TSC2: variants seen among roughly 807,000 people sequenced by gnomAD.
TSC2 encodes the protein TSC complex subunit 2.
A neutral mutation model predicts 202.2 loss-of-function variants in TSC2; 29 were observed. The observed-to-expected ratio is 0.14, with a 90% CI of 0.11 to 0.20. The LOEUF (loss-of-function observed/expected upper bound fraction) is 0.20, where lower values mean the gene tolerates loss of function less well. Ranked by LOEUF, TSC2 falls within the 10% of genes least tolerant of loss-of-function variation. The pLI, the probability that TSC2 is intolerant of heterozygous loss-of-function variation, is 1.00. For missense variants in TSC2, 2,429 were observed against 2,420.0 expected (o/e 1.00, Z -0.08); for synonymous variants, 1,349 against 1,044.0 (o/e 1.29, Z -5.63).
At chr16:2,068,266 C>G (rs1018171638) in intron 16 of TSC2, among the ~76,000 whole-genome samples, 1 of 152,162 alleles carries the variant, frequency 6.6e-6, no homozygotes, top group Non-Finnish European at 1.5e-5. Flanking sequence ...TCTCAATCTC[C>G]TGACCTCAAG....
In TSC2 at chr16:2,054,451, C is replaced by A. The variant is rs975536162; in HGVS notation, c.481+11C>A. 2 of 1,613,956 alleles carry A rather than the reference C, an allele frequency of 1.2e-6. No individual in the cohort carries two copies. The highest frequency in any genetic ancestry group is 2.7e-5 in the African/African-American group (2 of 74,922). ...TGGAGGAAGAGCTGGGTGGGTGCCACCTTGGGTTGGAGGTTTCTCTGGCCT... is the reference window on the plus strand; with the variant it reads ...TGGAGGAAGAGCTGGGTGGGTGCCAACTTGGGTTGGAGGTTTCTCTGGCCT... On this transcript the variant is annotated intron_variant, in intron 5 of 41. Coordinates refer to ENST00000219476, the MANE Select transcript of TSC2 (RefSeq NM_000548.5).
rs147447189 is a variant in TSC2 at position 2,060,167 on chromosome 16, A to G, written c.976-503A>G. ...GCTTCAGTTTCCGCAGTGCCCCGTG[A>G]TGACAGCGCTTTTTGTGTCCGTCCT... is the stretch of plus-strand genomic sequence containing the variant. On this transcript the variant is annotated intron_variant, in intron 10 of 41. Transcript: ENST00000219476. 1.3e-3 allele frequency among the ~76,000 whole-genome samples: 193 copies of G among 152,210 alleles called. 1 individual carries two copies. The Middle Eastern group carries it at 0.014, about 11-fold the overall frequency.
intron 5 of TSC2, chr16:2,054,679 T>C (rs1447282474): frequency 8.4e-6 from 5 of 596,362 alleles, no homozygotes; most frequent in African/African-American, 1.9e-5. Context: ...CTCTGGGGCT[T>C]GGGGCCTCCG....
intron 22 of TSC2, chr16:2,074,757 C>T (rs1001563273): frequency 2.9e-5 from 11 of 374,300 alleles, no homozygotes; most frequent in African/African-American, 6.2e-5. Context: ...CCTGTCCCTT[C>T]CCCTCACCGC....
At chr16:2,054,169 G>A in intron 4 of TSC2, 127 bp from the exon 5 acceptor site, 1 of 1,458,580 alleles carries the variant, frequency 6.9e-7, no homozygotes, top group Non-Finnish European at 9.5e-7. Context: ...GTCTCTTGCA[G>A]GGCGCCTCTG....
chr16:2,054,478 G>C, intron 5 of TSC2, 38 bp downstream of exon 5: 1 of 1,613,476 alleles, frequency 6.2e-7, no homozygotes, highest in African/African-American at 1.3e-5. Flanking sequence ...CTCTGGCCTT[G>C]ACGATCAAGT....
chr16:2,074,501 C>T (rs2088974337), intron 22 of TSC2, 112 bp downstream of exon 22: 1 of 1,343,228 alleles, frequency 7.4e-7, no homozygotes, highest in South Asian at 1.2e-5. Context: ...GGTGTCTCGC[C>T]TTCTGCTGCC....
chr16:2,053,635 A>G, intron 4 of TSC2, 183 bp downstream of exon 4: 1 of 700,702 alleles, frequency 1.4e-6, no homozygotes, highest in South Asian at 1.5e-5. Flanking sequence ...GTGTGACCGT[A>G]GGCACTGCCT....
chr16:2,062,114 G>A (rs2086714560), intron 12 of TSC2, 106 bp downstream of exon 12: 21 of 1,524,150 alleles, frequency 1.4e-5, no homozygotes, highest in South Asian at 5.8e-5. Flanking sequence ...GGGCCAGGTG[G>A]GCGCCTGCTT....
rs1011263395 is a variant in TSC2 at position 2,048,040 on chromosome 16, C to T, written c.-55C>T. 21 of 1,430,018 alleles carry T rather than the reference C, an allele frequency of 1.5e-5. No homozygotes were observed. The African/African-American group carries it at 1.9e-4, about 13-fold the overall frequency. The allele number at this position is 1,430,018 out of a possible 1,614,324, so 88.6% of individuals were successfully genotyped here. On this transcript the variant is annotated 5_prime_UTR_variant, in exon 1 of 42. Transcript: ENST00000219476. The stretch of plus-strand genomic sequence containing the variant: ...TGCGCCTTTCTCCGCGTCGGGGCGG[C>T]CCGGAGCGCGGTGGCGCGGCGCGGG...
rs1567140738 is a variant in TSC2, at chr16:2,089,279, TACTG to T, written c.*672_*675del. 3.9e-5 allele frequency: 8 copies of T among 205,900 alleles called. No homozygotes were observed. In the South Asian group the frequency reaches 9.4e-4, roughly 24 times the overall value. 12.8% of individuals were successfully genotyped at this position (205,900 alleles called of 1,614,324 possible). A position where few individuals can be genotyped will look rare whatever the true frequency, so the allele number is the denominator to read the frequency against. On this transcript the variant is annotated 3_prime_UTR_variant, in exon 42 of 42. Transcript: ENST00000219476. ...ATACACATTTTAACACCATATAAATTACTGACACGAGACACACAGTGAGACGGTG... is the reference window on the plus strand; with the variant it reads ...ATACACATTTTAACACCATATAAATTACACGAGACACACAGTGAGACGGTG...
At chr16:2,085,104 TGGGAG>T in intron 35 of TSC2, 78 bp downstream of exon 35, 1 of 1,605,746 alleles carries the variant, frequency 6.2e-7, no homozygotes, top group Non-Finnish European at 8.5e-7. Context: ...GCTCTGCTGC[TGGGAG>T]CTCAGGCTTG....
rs1003092927 is a variant in TSC2, at chr16:2,057,013, A to G, written c.775-92A>G. 3.3e-6 allele frequency: 5 copies of G among 1,504,542 alleles called. No individual in the cohort carries two copies. The African/African-American group carries it at 5.6e-5, about 17-fold the overall frequency. The allele number at this position is 1,504,542 out of a possible 1,614,324, so 93.2% of individuals were successfully genotyped here. On this transcript the variant is annotated intron_variant, in intron 8 of 41. Coordinates refer to ENST00000219476, the MANE Select transcript of TSC2 (RefSeq NM_000548.5). ...CGAGCTGGCCGGACCTTGGGTGGCT[A>G]TAGGGCAGCAGCCAGGCGGGGCCAG...
chr16:2,048,352 G>A, intron 1 of TSC2: 1 of 874,580 alleles, frequency 1.1e-6, no homozygotes, highest in Non-Finnish European at 1.9e-6. Context: ...GTCGGGCGGG[G>A]CGGGCGGCAG....
At position 2,086,749 on chromosome 16, in the gene TSC2, A is replaced by T. The variant is rs749501410; in HGVS notation, c.4867A>T (p.Thr1623Ser). The T allele has an allele frequency of 5.6e-6, 9 of 1,610,722 alleles. No individual in the cohort carries two copies. In the African/African-American group the frequency reaches 1.2e-4, roughly 22 times the overall value. ...ACCCTCAGCCGTCTTCCACATCGCC[A>T]CCCTGATGCCCACCAAGGACGTGGA... is the stretch of plus-strand genomic sequence containing the variant. Reference protein sequence around the residue: ...DIMQAVFHIATLMPTKDVDKH... With the variant: ...DIMQAVFHIASLMPTKDVDKH... The change falls in exon 38 of 42, where the codon ACC (threonine) becomes TCC (serine). Residue 1623 changes from threonine to serine, a missense_variant. Thr to Ser is a moderately conservative substitution (Grantham distance 58, BLOSUM62 1). Coordinates refer to ENST00000219476, the MANE Select transcript of TSC2 (RefSeq NM_000548.5).
At chr16:2,056,161 AG>A in intron 6 of TSC2, 34 bp from the exon 7 acceptor site, 1 of 1,613,070 alleles carries the variant, frequency 6.2e-7, no homozygotes, top group Non-Finnish European at 8.5e-7. Context: ...CCATCCAGGC[AG>A]TGCTGCCGGG....
At position 2,088,740 on chromosome 16, in the gene TSC2, C is replaced by A; in HGVS notation, c.*130C>A. Reference sequence around the variant, plus strand: ...CAGACAGCTCTTTTATTGACTTTGTCTGCTTGGTGCGGGGGTTGGGGGGGT... The same window carrying A: ...CAGACAGCTCTTTTATTGACTTTGTATGCTTGGTGCGGGGGTTGGGGGGGT... On this transcript the variant is annotated 3_prime_UTR_variant, in exon 42 of 42. Transcript: ENST00000219476. 7.7e-7 allele frequency: 1 copy of A among 1,302,276 alleles called. No individual in the cohort carries two copies. The highest frequency in any genetic ancestry group is 1.0e-6 in the Non-Finnish European group (1 of 953,416). 80.7% of individuals were successfully genotyped at this position (1,302,276 alleles called of 1,614,324 possible).
intron 1 of TSC2, 80 bp downstream of exon 1, chr16:2,048,145 T>TCCCGGGCCCTCACCCGCGC (rs1160855727): frequency 2.0e-6 from 3 of 1,526,956 alleles, no homozygotes; most frequent in Non-Finnish European, 2.6e-6. Flanking sequence ...AGTGTCCGGG[T>TCCCGGGCCCTCACCCGCGC]CCCGGGCCCT....
Position 2,054,323 on chromosome 16 carries a change from C to T in TSC2, c.364C>T (p.Leu122Phe), listed in dbSNP as rs1175373447. Residue 122 changes from leucine to phenylalanine, a missense_variant, in exon 5 of 42, where the codon CTC becomes TTC. Leu to Phe is a conservative substitution (Grantham distance 22). Coordinates refer to ENST00000219476, the MANE Select transcript of TSC2 (RefSeq NM_000548.5). ...CGAGCGTTTGGGGGTCCTCAGAGCC[C>T]TCTTCTTTAAGGTCATCAAGGATTA... ...QGERLGVLRA[L>F]FFKVIKDYPS... is the part of the protein sequence containing the mutation. 1.2e-6 allele frequency: 2 copies of T among 1,614,074 alleles called. No individual in the cohort carries two copies. Among genetic ancestry groups the T allele is most frequent in the South Asian group, 1.1e-5 (1 of 91,092 alleles).
Sources: gnomAD v4.1 joint callset for allele counts (sites outside exome capture counted in the v4.1 genomes callset) on GRCh38, gnomAD v4.1.1 for gene constraint, MANE v1.5 for transcripts, NCBI Gene and HGNC (gene_info 2026-07-23, HGNC 2026-07-21) for gene names.